The following SHROOM2 variants were observed in gnomAD, a reference collection of about 807,000 sequenced individuals.
The protein encoded by SHROOM2 is shroom family member 2, also known as protein Shroom2.
A neutral mutation model predicts 75.9 loss-of-function variants in SHROOM2; 33 were observed. The observed-to-expected ratio is 0.43, with a 90% CI of 0.33 to 0.58. The LOEUF (loss-of-function observed/expected upper bound fraction) is 0.58. Ranked by LOEUF, SHROOM2 falls within the 20% of genes least tolerant of loss-of-function variation. The pLI, the probability that SHROOM2 is intolerant of heterozygous loss-of-function variation, is 0.04. For synonymous variants in SHROOM2, 655 were observed against 663.6 expected (o/e 0.99, Z 0.20); for missense variants, 1,434 against 1,461.2 (o/e 0.98, Z 0.30).
chrX:9,791,171 A>G (rs1282597088), intron 1 of SHROOM2, among the ~76,000 whole-genome samples: 3 of 111,186 alleles, frequency 2.7e-5, no homozygotes, highest in Non-Finnish European at 5.7e-5. Context: ...TAGTTTGCCC[A>G]AGAGCTAAAG....
At chrX:9,803,019 C>T (rs764884089) in intron 1 of SHROOM2, among the ~76,000 whole-genome samples, 1 of 108,350 alleles carries the variant, frequency 9.2e-6, no homozygotes, top group South Asian at 4.1e-4. Context: ...GCCTTGACCT[C>T]CTGGGCTCAA....
At position 9,894,431 on chromosome X, in the gene SHROOM2, T is replaced by C; in HGVS notation, c.523T>C (p.Leu175=). Residue 175 remains leucine (L), a synonymous_variant, in exon 4 of 10, where the codon TTG becomes CTG. Transcript: ENST00000380913. The part of the protein sequence containing the change: ...LQRTLDHFSS[L]GSVDSLDHPS... The stretch of plus-strand genomic sequence containing the variant: ...GCGCACCTTAGATCACTTCAGCTCC[T>C]TGGGGAGCGTTGACAGCCTGGACCA... The C allele has an allele frequency of 1.7e-6, 2 of 1,210,782 alleles. No individual in the cohort carries two copies. The highest frequency in any genetic ancestry group is 2.2e-6 in the Non-Finnish European group (2 of 895,218).
rs150369562 is a variant in SHROOM2 at position 9,937,400 on chromosome X, G to T, written c.3854G>T (p.Gly1285Val). 2.0e-3 allele frequency: 2,436 copies of T among 1,205,750 alleles called. 11 individuals are homozygous for T. In the African/African-American group the frequency reaches 0.023, roughly 12 times the overall value. ...RAQPAEPQPL[G>V]TQVPPEKDRC... ...CAGCCGGCTGAGCCCCAGCCCCTGGGCACCCAGGTGCCCCCCGAGAAAGAC... is the reference window on the plus strand; with the variant it reads ...CAGCCGGCTGAGCCCCAGCCCCTGGTCACCCAGGTGCCCCCCGAGAAAGAC... The change falls in exon 7 of 10, where the codon GGC (glycine) becomes GTC (valine). Residue 1285 changes from glycine to valine, a missense_variant. Gly to Val is a moderately radical substitution (Grantham distance 109, BLOSUM62 -3). Around this residue, in one of 3 missense-constraint regions of SHROOM2, gnomAD observed 1,340 missense variants for 1,338.3 expected, o/e 1.00. Transcript: ENST00000380913.
chrX:9,804,133 G>A (rs751409654), intron 1 of SHROOM2, among the ~76,000 whole-genome samples: 8 of 111,510 alleles, frequency 7.2e-5, no homozygotes, highest in East Asian at 2.8e-4. Context: ...TTAGCTCCCC[G>A]TCTTCCTTTG....
chrX:9,854,943 C>G (rs149960055), intron 1 of SHROOM2, among the ~76,000 whole-genome samples: 1 of 110,448 alleles, frequency 9.1e-6, no homozygotes, highest in East Asian at 2.8e-4. Context: ...ACGGGTGAGT[C>G]TGCGGCAGAT....
chrX:9,914,093 A>AC (rs1238837237), intron 5 of SHROOM2, among the ~76,000 whole-genome samples: 109 of 19,224 alleles, frequency 5.7e-3, no homozygotes, highest in Non-Finnish European at 8.6e-3. Flanking sequence ...CGCCCCGATC[A>AC]CCACCAACCC....
chrX:9,863,666 A>G (rs771982562), intron 1 of SHROOM2, among the ~76,000 whole-genome samples: 4 of 109,407 alleles, frequency 3.7e-5, no homozygotes, highest in South Asian at 8.1e-4. Context: ...TTACCCAGAC[A>G]GGAGTGCAGT....
chrX:9,789,812 A>C (rs754893026), intron 1 of SHROOM2, among the ~76,000 whole-genome samples: 1 of 112,118 alleles, frequency 8.9e-6, no homozygotes, highest in South Asian at 3.8e-4. Context: ...CCCAAAAAGA[A>C]TGCCAGAAGC....
rs181549486 is a variant in SHROOM2, at chrX:9,890,602, C to T, written c.318-375C>T. On this transcript the variant is annotated intron_variant, in intron 2 of 9. Transcript: ENST00000380913. The stretch of plus-strand genomic sequence containing the variant: ...CTGTGCGCATTCCCTGAACCCCCTG[C>T]ACTGTTTGGCTCGAGCGCGCACGCG... Among the ~76,000 whole-genome samples the T allele has an allele frequency of 2.7e-5, 3 of 113,175 alleles. No individual in the cohort carries two copies. The East Asian group carries it at 8.4e-4, about 32-fold the overall frequency.
chrX:9,790,310 A>G (rs1270290789), intron 1 of SHROOM2, among the ~76,000 whole-genome samples: 1 of 111,927 alleles, frequency 8.9e-6, no homozygotes, highest in African/African-American at 3.3e-5. Flanking sequence ...GATCAGAGTG[A>G]CCACCCTGGT....
chrX:9,815,118 T>C (rs186531148), intron 1 of SHROOM2, among the ~76,000 whole-genome samples: 18 of 111,522 alleles, frequency 1.6e-4, no homozygotes, highest in Admixed American at 1.4e-3. Context: ...GTTTTCCACA[T>C]ATGGTCAAAG....
intron 1 of SHROOM2, chrX:9,819,045 C>T (rs917344952): frequency 7.2e-6 from 8 of 1,117,522 alleles, no homozygotes; most frequent in Non-Finnish European, 8.6e-6. Flanking sequence ...TTCTTTCTTT[C>T]CTGTACCACT....
intron 5 of SHROOM2, among the ~76,000 whole-genome samples, chrX:9,927,632 A>G (rs2147049270): frequency 8.9e-6 from 1 of 112,116 alleles, no homozygotes; most frequent in Admixed American, 9.5e-5. Flanking sequence ...AAAATTCCGC[A>G]CAAAAAAAGT....
At chrX:9,914,382 C>A (rs1336813519) in intron 5 of SHROOM2, among the ~76,000 whole-genome samples, 1 of 109,551 alleles carries the variant, frequency 9.1e-6, no homozygotes, top group Admixed American at 9.9e-5. Context: ...TTTTATGTGG[C>A]CTTTGGAATA....
chrX:9,873,510 T>A, intron 1 of SHROOM2, 142 bp from the exon 2 acceptor site: 2 of 620,671 alleles, frequency 3.2e-6, no homozygotes, highest in South Asian at 5.8e-5. Flanking sequence ...AGTGCATCCC[T>A]GATCCCCTGA....
chrX:9,793,151 G>T (rs2083676527), intron 1 of SHROOM2, among the ~76,000 whole-genome samples: 1 of 111,942 alleles, frequency 8.9e-6, no homozygotes, highest in East Asian at 2.8e-4. Context: ...CCTCCCTAGA[G>T]ACAACTATCA....
intron 1 of SHROOM2, among the ~76,000 whole-genome samples, chrX:9,861,564 A>G (rs781702026): frequency 6.2e-5 from 7 of 112,444 alleles, no homozygotes; most frequent in Non-Finnish European, 9.4e-5. Flanking sequence ...GTGGAGCAGC[A>G]TAGCCTAGGT....
intron 5 of SHROOM2, among the ~76,000 whole-genome samples, chrX:9,928,937 A>G (rs1470494873): frequency 8.9e-6 from 1 of 112,821 alleles, no homozygotes; most frequent in Non-Finnish European, 1.9e-5. Context: ...AGACATTTAT[A>G]CACATACAAC....
intron 1 of SHROOM2, among the ~76,000 whole-genome samples, chrX:9,801,838 C>T (rs2083725363): frequency 9.1e-6 from 1 of 110,154 alleles, no homozygotes; most frequent in Non-Finnish European, 1.9e-5. Flanking sequence ...CACCTGTAGT[C>T]CAAGCTGCTT....
Sources: gnomAD v4.1 joint callset for allele counts (sites outside exome capture counted in the v4.1 genomes callset) on GRCh38, gnomAD v4.1.1 for gene constraint, gnomAD v4.1.1 regional missense constraint, MANE v1.5 for transcripts, NCBI Gene and HGNC (gene_info 2026-07-23, HGNC 2026-07-21) for gene names.